The following DCC variants were observed in gnomAD, a reference collection of about 807,000 sequenced individuals.
DCC encodes the protein DCC netrin 1 receptor.
DCC carries 58 observed loss-of-function variants against 172.5 expected under a neutral mutation model. The observed-to-expected ratio is 0.34, with a 90% CI of 0.27 to 0.42. DCC has a LOEUF of 0.42. Among genes scored for constraint, DCC ranks in the 10% least tolerant of loss-of-function variants. The probability of loss-of-function intolerance (pLI) is 1.00; values close to 1 mark genes in which losing one functional copy is unlikely to be tolerated. For missense variants in DCC, 1,740 were observed against 1,791.0 expected (o/e 0.97, Z 0.51); for synonymous variants, 709 against 644.5 (o/e 1.10, Z -1.52).
At chr18:52,464,848 G>A (rs563149086) in intron 1 of DCC, among the ~76,000 whole-genome samples, 1 of 152,072 alleles carries the variant, frequency 6.6e-6, no homozygotes, top group Non-Finnish European at 1.5e-5. Flanking sequence ...AAACCTGCCT[G>A]TGCCATAGCT....
chr18:52,749,086 G>A (rs1346236828), intron 1 of DCC, among the ~76,000 whole-genome samples: 1 of 152,096 alleles, frequency 6.6e-6, no homozygotes, highest in Non-Finnish European at 1.5e-5. Flanking sequence ...TGTAATCCCA[G>A]TTACTGGGGA....
chr18:53,034,228 ATATCTCATGTATAAC>A (rs1202902660), intron 5 of DCC, among the ~76,000 whole-genome samples: 6 of 152,050 alleles, frequency 3.9e-5, no homozygotes, highest in African/African-American at 9.7e-5. Context: ...TATCTAATAG[ATATCTCATGTATAAC>A]ATGATATCTA....
chr18:53,287,806 GTTTA>G (rs1287576040), intron 12 of DCC, among the ~76,000 whole-genome samples: 3 of 152,088 alleles, frequency 2.0e-5, no homozygotes, highest in Non-Finnish European at 4.4e-5. Flanking sequence ...CTCTGAGTTT[GTTTA>G]AACAGTCATT....
chr18:53,305,893 T>A (rs959456614), intron 13 of DCC, among the ~76,000 whole-genome samples, 174 bp downstream of exon 13: 1 of 152,246 alleles, frequency 6.6e-6, no homozygotes, highest in Non-Finnish European at 1.5e-5. Context: ...TTCTCTATAA[T>A]GTTTTCACTA....
At chr18:53,073,330 C>T (rs1450039950) in intron 7 of DCC, among the ~76,000 whole-genome samples, 1 of 152,122 alleles carries the variant, frequency 6.6e-6, no homozygotes, top group Non-Finnish European at 1.5e-5. Context: ...TCGAGACCAT[C>T]CTGGCTAACA....
intron 7 of DCC, among the ~76,000 whole-genome samples, chr18:53,088,661 C>T (rs1022983007): frequency 6.6e-6 from 1 of 152,168 alleles, no homozygotes; most frequent in South Asian, 2.1e-4. Flanking sequence ...AATTGATAGA[C>T]CGCTAGCAAG....
intron 1 of DCC, among the ~76,000 whole-genome samples, chr18:52,592,259 G>A (rs2033817191): frequency 1.3e-5 from 2 of 152,128 alleles, no homozygotes; most frequent in Non-Finnish European, 2.9e-5. Flanking sequence ...CACTTCTCTA[G>A]GGCACTGCAG....
At chr18:52,500,842 T>C (rs2144626293) in intron 1 of DCC, among the ~76,000 whole-genome samples, 1 of 152,300 alleles carries the variant, frequency 6.6e-6, no homozygotes, top group African/African-American at 2.4e-5. Flanking sequence ...TTTTGATTCT[T>C]AATTTCCTCA....
rs1988689832 is a variant in DCC at position 52,463,373 on chromosome 18, A to G, written c.91+122495A>G. ...GATTGGAAACAATAAGACCAGAGATAAAGAGTCTAGAAGGATCATTTGGTC... is the reference window on the plus strand; with the variant it reads ...GATTGGAAACAATAAGACCAGAGATGAAGAGTCTAGAAGGATCATTTGGTC... On this transcript the variant is annotated intron_variant, in intron 1 of 28. Coordinates refer to ENST00000442544, the MANE Select transcript of DCC (RefSeq NM_005215.4). 2.0e-5 allele frequency among the ~76,000 whole-genome samples: 3 copies of G among 152,282 alleles called. No individual in the cohort carries two copies. The South Asian group carries it at 6.2e-4, about 32-fold the overall frequency.
chr18:52,816,823 A>T (rs914808724), intron 2 of DCC: 1 of 152,190 alleles, frequency 6.6e-6, no homozygotes, highest in Non-Finnish European at 1.5e-5. Flanking sequence ...GCCCTAAGAG[A>T]TTATTTTCAT....
At chr18:53,026,846 G>A (rs2041961183) in intron 5 of DCC, among the ~76,000 whole-genome samples, 1 of 152,018 alleles carries the variant, frequency 6.6e-6, no homozygotes, top group Non-Finnish European at 1.5e-5. Flanking sequence ...TACAAGCATA[G>A]CCACTATGCC....
intron 1 of DCC, among the ~76,000 whole-genome samples, chr18:52,428,112 T>C (rs1987503056): frequency 6.6e-6 from 1 of 152,100 alleles, no homozygotes; most frequent in Non-Finnish European, 1.5e-5. Flanking sequence ...ATTTCTGTTT[T>C]ATCTTCTCTC....
At chr18:52,473,834 CAG>C (rs1456656495) in intron 1 of DCC, among the ~76,000 whole-genome samples, 1 of 152,058 alleles carries the variant, frequency 6.6e-6, no homozygotes, top group Admixed American at 6.6e-5. Context: ...TATTCCTCAG[CAG>C]AGTCATTGAT....
intron 3 of DCC, among the ~76,000 whole-genome samples, chr18:52,909,168 G>A (rs539971945): frequency 3.3e-5 from 5 of 152,144 alleles, no homozygotes; most frequent in African/African-American, 7.2e-5. Flanking sequence ...AAAAATCATC[G>A]TAATCCTTTA....
At chr18:53,018,415 C>T (rs750107024) in intron 5 of DCC, among the ~76,000 whole-genome samples, 7 of 152,288 alleles carry the variant, frequency 4.6e-5, no homozygotes, top group Middle Eastern at 3.4e-3. Flanking sequence ...TCGTTGCCTA[C>T]GTCTCCTCTT....
At chr18:52,743,827 G>A (rs1188074529) in intron 1 of DCC, among the ~76,000 whole-genome samples, 1 of 152,182 alleles carries the variant, frequency 6.6e-6, no homozygotes, top group Non-Finnish European at 1.5e-5. Flanking sequence ...TCCCTGTAAA[G>A]GGAAGAGAAA....
rs549657922 is a variant in DCC at position 52,876,803 on chromosome 18, T to G, written c.413-29241T>G. The stretch of plus-strand genomic sequence containing the variant: ...AGGAGCTGCCTTAGAGATTTTTGCC[T>G]TCCATATCTCCCCTTTAAAATTGCC... On this transcript the variant is annotated intron_variant, in intron 2 of 28. Coordinates refer to ENST00000442544, the MANE Select transcript of DCC (RefSeq NM_005215.4). Among the ~76,000 whole-genome samples the G allele has an allele frequency of 5.7e-4, 86 of 151,700 alleles. No individual in the cohort carries two copies. In the Middle Eastern group the frequency reaches 0.01, roughly 18 times the overall value.
At chr18:52,343,914 A>G (rs1014523875) in intron 1 of DCC, among the ~76,000 whole-genome samples, 2 of 147,154 alleles carry the variant, frequency 1.4e-5, no homozygotes, top group South Asian at 2.2e-4. Flanking sequence ...CTGGCAGTCC[A>G]CTCCTCTGTG....
intron 14 of DCC, among the ~76,000 whole-genome samples, chr18:53,333,452 C>G (rs1462171384): frequency 6.6e-6 from 1 of 152,208 alleles, no homozygotes; most frequent in Admixed American, 6.5e-5. Context: ...GTTCCAACTG[C>G]CTGACACAAC....
Sources: allele counts gnomAD v4.1 joint callset (sites outside exome capture counted in the v4.1 genomes callset), GRCh38; gene constraint gnomAD v4.1.1; transcripts MANE v1.5; gene names NCBI Gene and HGNC (gene_info 2026-07-23, HGNC 2026-07-21).